Variants in RFPL1 observed in about 807,000 individuals in gnomAD.
RFPL1 encodes ret finger protein like 1, also known as ret finger protein-like 1.
A neutral mutation model predicts 9.6 loss-of-function variants in RFPL1; 6 were observed. The observed-to-expected ratio is 0.62, with a 90% CI of 0.34 to 1.23. The LOEUF (loss-of-function observed/expected upper bound fraction) is 1.23, where lower values mean the gene tolerates loss of function less well. RFPL1 is among the 50% of genes most tolerant of loss of function. RFPL1 has a pLI of 0.03. For synonymous variants in RFPL1, 145 were observed against 149.4 expected, an observed-to-expected ratio of 0.97 and a Z score of 0.22; for missense variants, 352 against 398.4, an observed-to-expected ratio of 0.88 and a Z score of 0.99.
At chr22:29,398,917 A>AT in the RFPL1 span, among the ~76,000 whole-genome samples, 1 of 152,180 alleles carries the variant, frequency 6.6e-6, no homozygotes, top group Non-Finnish European at 1.5e-5. Context: ...GGCCACAAAG[A>AT]TAGCAGGGAT....
the RFPL1 span, among the ~76,000 whole-genome samples, chr22:29,399,121 T>C: frequency 6.6e-6 from 1 of 152,216 alleles, no homozygotes; most frequent in Non-Finnish European, 1.5e-5. Flanking sequence ...TAAATAAGGT[T>C]TCAGCTTCCT....
chr22:29,408,245 C>G, the RFPL1 span, among the ~76,000 whole-genome samples: 1 of 152,200 alleles, frequency 6.6e-6, no homozygotes, highest in African/African-American at 2.4e-5. Context: ...CTGAACCATA[C>G]AGTGCCTTTC....
At chr22:29,441,704 G>T (rs150980053) in exon 2 of RFPL1, 2 of 1,613,912 alleles carry the variant, frequency 1.2e-6, no homozygotes, top group African/African-American at 1.3e-5. Flanking sequence ...ACCTGTGGCC[G>T]CCACTACTGG....
At chr22:29,399,343 G>T in the RFPL1 span, among the ~76,000 whole-genome samples, 1 of 151,924 alleles carries the variant, frequency 6.6e-6, no homozygotes, top group African/African-American at 2.4e-5. Flanking sequence ...AAATTCTTCA[G>T]TTTTCTTGGT....
chr22:29,410,788 G>C, the RFPL1 span, among the ~76,000 whole-genome samples: 1 of 151,216 alleles, frequency 6.6e-6, no homozygotes, highest in Non-Finnish European at 1.5e-5. Flanking sequence ...GAGTAGCTGG[G>C]ATTACGGACG....
At chr22:29,398,768 C>A in the RFPL1 span, among the ~76,000 whole-genome samples, 1 of 152,164 alleles carries the variant, frequency 6.6e-6, no homozygotes, top group Non-Finnish European at 1.5e-5. Flanking sequence ...CTAGGTATGG[C>A]CATATGACTA....
the RFPL1 span, among the ~76,000 whole-genome samples, chr22:29,398,916 G>A: frequency 2.0e-5 from 3 of 152,182 alleles, no homozygotes; most frequent in African/African-American, 7.2e-5. Context: ...AGGCCACAAA[G>A]ATAGCAGGGA....
chr22:29,439,285 T>G lies in RFPL1; in HGVS notation c.373+121T>G, dbSNP rs1240043927. ...GTCTGGCACCTAAAATTGAGATGCTTCTTCATCATCAGATTCTCAGCCCTG... is the reference window on the plus strand; with the variant it reads ...GTCTGGCACCTAAAATTGAGATGCTGCTTCATCATCAGATTCTCAGCCCTG... On this transcript the variant is annotated intron_variant, in intron 1 of 1. Transcript: ENST00000354373. 14 of 1,335,054 alleles carry G rather than the reference T, an allele frequency of 1.0e-5. No homozygotes were observed. The Admixed American group carries it at 2.9e-4, about 28-fold the overall frequency. 82.7% of individuals were successfully genotyped at this position (1,335,054 alleles called of 1,614,324 possible).
chr22:29,410,847 C>G, the RFPL1 span, among the ~76,000 whole-genome samples: 31 of 151,786 alleles, frequency 2.0e-4, no homozygotes, highest in African/African-American at 7.2e-4. Flanking sequence ...ATATTTCCAT[C>G]TGGGTGAAAA....
chr22:29,406,461 G>C, the RFPL1 span, among the ~76,000 whole-genome samples: 1,055 of 152,124 alleles, frequency 6.9e-3, 7 homozygotes, highest in African/African-American at 0.023. Context: ...GCACAGAGGG[G>C]TTCATTTCAC....
chr22:29,424,657 A>G, the RFPL1 span, among the ~76,000 whole-genome samples: 2 of 3,970 alleles, frequency 5.0e-4, no homozygotes, highest in South Asian at 0.017. Context: ...AGGACAAAGT[A>G]AAAAAAAAAA....
At chr22:29,397,088 T>A in the RFPL1 span, among the ~76,000 whole-genome samples, 3 of 146,546 alleles carry the variant, frequency 2.0e-5, no homozygotes, top group Non-Finnish European at 4.5e-5. Context: ...TTTTTGTATT[T>A]TTAGTAGAGA....
the RFPL1 span, among the ~76,000 whole-genome samples, chr22:29,391,128 T>G: frequency 6.6e-6 from 1 of 151,494 alleles, no homozygotes; most frequent in Non-Finnish European, 1.5e-5. Context: ...GGCGACGGAG[T>G]GAGACTCTGT....
At chr22:29,410,433 GATAT>G in the RFPL1 span, among the ~76,000 whole-genome samples, 1 of 79,738 alleles carries the variant, frequency 1.3e-5, no homozygotes, top group Non-Finnish European at 2.4e-5. Context: ...ATATATTGTA[GATAT>G]ATATATCTAT....
the RFPL1 span, among the ~76,000 whole-genome samples, chr22:29,417,526 G>A: frequency 0.61 from 87,877 of 145,226 alleles, 28,646 homozygotes; most frequent in African/African-American, 0.84. Context: ...TGGGCACCAC[G>A]AGGGCATGGG....
the RFPL1 span, among the ~76,000 whole-genome samples, chr22:29,415,439 C>T: frequency 1.3e-5 from 2 of 152,266 alleles, no homozygotes; most frequent in Non-Finnish European, 2.9e-5. Context: ...CTGCCATGCA[C>T]TGCTCTGACG....
chr22:29,411,461 C>T, the RFPL1 span, among the ~76,000 whole-genome samples: 6 of 152,116 alleles, frequency 3.9e-5, no homozygotes, highest in African/African-American at 1.4e-4. Flanking sequence ...GCTTTGTCAC[C>T]AAAACACCTA....
upstream of RFPL1, among the ~76,000 whole-genome samples, chr22:29,435,527 G>A (rs1249782815): frequency 6.6e-6 from 1 of 152,164 alleles, no homozygotes; most frequent in African/African-American, 2.4e-5. Context: ...ATCCAGCAGA[G>A]AGCAAACCCC....
the RFPL1 span, among the ~76,000 whole-genome samples, chr22:29,406,164 C>T: frequency 8.1e-6 from 1 of 123,532 alleles, no homozygotes; most frequent in Non-Finnish European, 1.7e-5. Context: ...AAAGAAATAA[C>T]ACATCTCTTT....
Sources: allele counts gnomAD v4.1 joint callset (sites outside exome capture counted in the v4.1 genomes callset), GRCh38; gene constraint gnomAD v4.1.1; transcripts MANE v1.5; gene names NCBI Gene and HGNC (gene_info 2026-07-23, HGNC 2026-07-21).